CNBD1: variants seen among roughly 807,000 people sequenced by gnomAD.
CNBD1 encodes the protein cyclic nucleotide binding domain containing 1, also known as cyclic nucleotide-binding domain-containing protein 1.
CNBD1 carries 71 observed loss-of-function variants against 54.4 expected under a neutral mutation model. The ratio of observed to expected loss-of-function variants is 1.30; its 90% CI spans 1.08 to 1.59. CNBD1 has a LOEUF of 1.59. Ranked by LOEUF, CNBD1 falls within the 40% of genes most tolerant of loss-of-function variation. The probability of loss-of-function intolerance (pLI) is 0.00; values close to 1 mark genes in which losing one functional copy is unlikely to be tolerated. For synonymous variants in CNBD1, 182 were observed against 170.7 expected, an observed-to-expected ratio of 1.07 and a Z score of -0.51; for missense variants, 659 against 518.0, an observed-to-expected ratio of 1.27 and a Z score of -2.64.
chr8:87,102,077 T>C (rs535732295), intron 4 of CNBD1, among the ~76,000 whole-genome samples: 1 of 151,954 alleles, frequency 6.6e-6, no homozygotes, highest in Non-Finnish European at 1.5e-5. Flanking sequence ...TTAGTAGAGA[T>C]GGGGTTTCAC....
intron 2 of CNBD1, among the ~76,000 whole-genome samples, chr8:87,395,249 A>G (rs1563585790): frequency 6.6e-6 from 1 of 151,858 alleles, no homozygotes; most frequent in Non-Finnish European, 1.5e-5. Flanking sequence ...ATGAATTGAA[A>G]TGTTATGAGG....
intron 10 of CNBD1, among the ~76,000 whole-genome samples, chr8:87,373,942 G>A (rs1810872147): frequency 6.6e-6 from 1 of 151,536 alleles, no homozygotes; most frequent in African/African-American, 2.4e-5. Context: ...GCAAAATATT[G>A]CTTAATTGTT....
chr8:87,191,559 C>A (rs1813610476), intron 4 of CNBD1, among the ~76,000 whole-genome samples: 1 of 152,076 alleles, frequency 6.6e-6, no homozygotes. Context: ...AACTTTTTTT[C>A]TTATACTCAG....
intron 9 of CNBD1, 121 bp from the exon 10 acceptor site, chr8:87,353,515 G>T: frequency 6.5e-6 from 4 of 615,624 alleles, no homozygotes; most frequent in Non-Finnish European, 1.1e-5. Context: ...AAATACAATT[G>T]CTAATTTATT....
intron 4 of CNBD1, among the ~76,000 whole-genome samples, chr8:87,097,112 G>T (rs185660867): frequency 5.9e-5 from 9 of 152,288 alleles, no homozygotes; most frequent in Admixed American, 5.2e-4. Context: ...CAACCTTTTA[G>T]GGTGAAGGAA....
chr8:87,119,189 A>G (rs1293970412), intron 4 of CNBD1, among the ~76,000 whole-genome samples: 1 of 152,126 alleles, frequency 6.6e-6, no homozygotes, highest in African/African-American at 2.4e-5. Flanking sequence ...TTTGAGAAAT[A>G]TGGTCATATT....
chr8:87,188,583 A>G (rs1317913176), intron 4 of CNBD1, among the ~76,000 whole-genome samples: 3 of 151,684 alleles, frequency 2.0e-5, no homozygotes, highest in East Asian at 3.9e-4. Context: ...TACAAAAATT[A>G]GGTGTGGTAG....
chr8:87,066,109 T>G (rs918638003), intron 4 of CNBD1, among the ~76,000 whole-genome samples: 3 of 152,000 alleles, frequency 2.0e-5, no homozygotes, highest in Non-Finnish European at 4.4e-5. Context: ...TTCTCAGACA[T>G]AGTCACAATA....
intron 3 of CNBD1, among the ~76,000 whole-genome samples, chr8:86,937,546 G>A (rs1015290923): frequency 7.9e-5 from 12 of 152,132 alleles, no homozygotes; most frequent in Non-Finnish European, 5.9e-5. Context: ...TGAAATCTAG[G>A]CAGAGGTTCC....
rs79663521 is a variant in CNBD1 at position 87,335,811 on chromosome 8, A to T, written c.1043-15874A>T. ...TTTCTTCATAGTGTCACTGGTCTTT[A>T]TATTTTTTGTGTGTTTTGCAGAGCC... On this transcript the variant is annotated intron_variant, in intron 8 of 10. Transcript: ENST00000518476. Among the ~76,000 whole-genome samples, 597 of 152,138 alleles carry T rather than the reference A, an allele frequency of 3.9e-3. 2 individuals are homozygous for T. The highest frequency in any genetic ancestry group is 0.014 in the African/African-American group (565 of 41,510).
Position 87,293,864 on chromosome 8 carries a change from A to G in CNBD1, c.1042+7193A>G, listed in dbSNP as rs74328218. On this transcript the variant is annotated intron_variant, in intron 8 of 10. Transcript: ENST00000518476. Reference sequence around the variant, plus strand: ...CAGGAAAAATAGCATAAGCCAATATATGGTTTTCAGATCTTGCTTTAGAAT... The same window carrying G: ...CAGGAAAAATAGCATAAGCCAATATGTGGTTTTCAGATCTTGCTTTAGAAT... Among the ~76,000 whole-genome samples, 1,162 of 152,288 alleles carry G rather than the reference A, an allele frequency of 7.6e-3. 10 individuals carry two copies. The highest frequency in any genetic ancestry group is 0.026 in the African/African-American group (1,095 of 41,542).
At chr8:87,135,403 C>A (rs1380981482) in intron 4 of CNBD1, among the ~76,000 whole-genome samples, 1 of 151,442 alleles carries the variant, frequency 6.6e-6, no homozygotes, top group African/African-American at 2.4e-5. Context: ...CTTTTCCTTG[C>A]TTTAACAAAT....
chr8:87,077,941 G>A (rs1810909627), intron 4 of CNBD1, among the ~76,000 whole-genome samples: 1 of 152,048 alleles, frequency 6.6e-6, no homozygotes, highest in Admixed American at 6.6e-5. Context: ...CCACTAATGG[G>A]ATCACTGGGT....
At chr8:87,034,609 A>G (rs1172354638) in intron 4 of CNBD1, among the ~76,000 whole-genome samples, 18 of 152,174 alleles carry the variant, frequency 1.2e-4, no homozygotes, top group Non-Finnish European at 5.9e-5. Flanking sequence ...AAATTTTAAC[A>G]TTTTATAATT....
At chr8:86,872,365 A>AT (rs1808454353) in intron 1 of CNBD1, among the ~76,000 whole-genome samples, 1 of 152,158 alleles carries the variant, frequency 6.6e-6, no homozygotes, top group African/African-American at 2.4e-5. Context: ...TATATATACT[A>AT]TTTTAATGTA....
chr8:87,192,191 A>G (rs1482238453), intron 4 of CNBD1, among the ~76,000 whole-genome samples: 17 of 152,182 alleles, frequency 1.1e-4, no homozygotes, highest in Admixed American at 2.6e-4. Context: ...TCATAAAATT[A>G]TAATTTTTTT....
chr8:87,248,529 G>T (rs879670970), intron 6 of CNBD1, among the ~76,000 whole-genome samples: 229 of 152,260 alleles, frequency 1.5e-3, no homozygotes, highest in Non-Finnish European at 2.4e-3. Flanking sequence ...GCAGAGGCTT[G>T]TCTTTTAATA....
At chr8:86,932,946 A>C (rs553436921) in intron 3 of CNBD1, among the ~76,000 whole-genome samples, 14 of 152,226 alleles carry the variant, frequency 9.2e-5, no homozygotes, top group African/African-American at 2.9e-4. Context: ...CTAGATCACA[A>C]AGAGGACCAA....
At chr8:87,207,647 G>C (rs1333192741) in intron 5 of CNBD1, among the ~76,000 whole-genome samples, 1 of 151,948 alleles carries the variant, frequency 6.6e-6, no homozygotes, top group Admixed American at 6.6e-5. Flanking sequence ...CTCTCACAAT[G>C]TGTTTATTTA....
Sources: gnomAD v4.1 joint callset for allele counts (sites outside exome capture counted in the v4.1 genomes callset) on GRCh38, gnomAD v4.1.1 for gene constraint, MANE v1.5 for transcripts, NCBI Gene and HGNC (gene_info 2026-07-23, HGNC 2026-07-21) for gene names.